Variants in EMILIN2 observed in about 807,000 individuals in gnomAD.
EMILIN2 encodes the protein elastin microfibril interfacer 2.
In EMILIN2, 71 loss-of-function variants were observed where a neutral mutation model predicts 87.1. The ratio of observed to expected loss-of-function variants is 0.82; its 90% CI spans 0.67 to 0.99. The LOEUF (loss-of-function observed/expected upper bound fraction) is 0.99. Among genes scored for constraint, EMILIN2 ranks in the 50% least tolerant of loss-of-function variants. The pLI, the probability that EMILIN2 is intolerant of heterozygous loss-of-function variation, is 0.00. For synonymous variants in EMILIN2, 581 were observed against 563.4 expected, an observed-to-expected ratio of 1.03 and a Z score of -0.44; for missense variants, 1,407 against 1,371.8, an observed-to-expected ratio of 1.03 and a Z score of -0.40.
intron 2 of EMILIN2, among the ~76,000 whole-genome samples, chr18:2,865,050 T>C (rs1248303): frequency 0.7 from 106,831 of 152,104 alleles, 38,497 homozygotes; most frequent in African/African-American, 0.86. Context: ...GTTCTTGTGC[T>C]GTGGTTTTCA....
chr18:2,901,222 A>G (rs1408923554), intron 4 of EMILIN2, among the ~76,000 whole-genome samples: 1 of 152,194 alleles, frequency 6.6e-6, no homozygotes, highest in Non-Finnish European at 1.5e-5. Flanking sequence ...CTTCTCTGTG[A>G]CAAGACACCC....
At chr18:2,853,381 C>T (rs1028943522) in intron 2 of EMILIN2, among the ~76,000 whole-genome samples, 2 of 152,036 alleles carry the variant, frequency 1.3e-5, no homozygotes, top group Admixed American at 6.6e-5. Context: ...CTGGACTCTC[C>T]GGAGCTGCTG....
intron 3 of EMILIN2, among the ~76,000 whole-genome samples, chr18:2,885,643 G>A (rs560955760): frequency 2.6e-4 from 40 of 152,168 alleles, no homozygotes; most frequent in Admixed American, 1.2e-3. Context: ...CTTGGCCTCC[G>A]AGTAGCTGGG....
rs1209726091 is a variant in EMILIN2, at chr18:2,847,069, G to A, written c.-120G>A. Reference sequence around the variant, plus strand: ...CGCGGAGCACTGGTTGGAGCGCCGCGAAGCGCCCGAGCCTCTTGCCTTCGC... The same window carrying A: ...CGCGGAGCACTGGTTGGAGCGCCGCAAAGCGCCCGAGCCTCTTGCCTTCGC... On this transcript the variant is annotated 5_prime_UTR_variant, in exon 1 of 8. Coordinates refer to ENST00000254528, the MANE Select transcript of EMILIN2 (RefSeq NM_032048.3). This position sits in a 1 kb window ranked among gnomAD's most constrained non-coding sequence, Gnocchi z 4.5. The A allele has an allele frequency of 2.8e-6, 3 of 1,079,382 alleles. No homozygotes were observed. Among genetic ancestry groups the A allele is most frequent in the Admixed American group, 4.9e-5 (1 of 20,338 alleles). The allele number at this position is 1,079,382 out of a possible 1,614,324, so 66.9% of individuals were successfully genotyped here.
chr18:2,902,510 C>T (rs1232626967), intron 4 of EMILIN2, among the ~76,000 whole-genome samples: 1 of 152,034 alleles, frequency 6.6e-6, no homozygotes, highest in African/African-American at 2.4e-5. Context: ...GGAGTGGGTG[C>T]CGTTTGTCTC....
chr18:2,852,622 G>A (rs953870275), intron 2 of EMILIN2, among the ~76,000 whole-genome samples: 4 of 152,140 alleles, frequency 2.6e-5, no homozygotes, highest in Non-Finnish European at 4.4e-5. Context: ...GGGTTCAAGC[G>A]ATTCTCCTGC....
intron 4 of EMILIN2, among the ~76,000 whole-genome samples, chr18:2,896,538 A>G (rs2076864615): frequency 6.6e-6 from 1 of 152,262 alleles, no homozygotes; most frequent in African/African-American, 2.4e-5. Context: ...CAGTGGTGCA[A>G]TCACAGCTAA....
chr18:2,910,608 T>A (rs937084796), intron 7 of EMILIN2, among the ~76,000 whole-genome samples: 29 of 152,150 alleles, frequency 1.9e-4, no homozygotes, highest in African/African-American at 5.5e-4. Flanking sequence ...CAGTCACTGT[T>A]CTGCTCACGC....
chr18:2,880,353 A>C lies in EMILIN2; in HGVS notation c.258-4611A>C, dbSNP rs2076770500. On this transcript the variant is annotated intron_variant, in intron 2 of 7. Transcript: ENST00000254528. The surrounding 1 kb of genome is among the most constrained non-coding windows in gnomAD (Gnocchi z 4.1). ...TCTTGACACGGTTGCTGAACCCATT[A>C]AAATGGGAAACCCTTGTTTTCACCT... Among the ~76,000 whole-genome samples, 1 of 152,158 alleles carries C rather than the reference A, an allele frequency of 6.6e-6. No individual in the cohort carries two copies. Among genetic ancestry groups the C allele is most frequent in the African/African-American group, 2.4e-5 (1 of 41,426 alleles).
intron 2 of EMILIN2, among the ~76,000 whole-genome samples, chr18:2,878,111 G>C (rs1037462706): frequency 6.8e-6 from 1 of 146,418 alleles, no homozygotes; most frequent in Non-Finnish European, 1.5e-5. Flanking sequence ...AAACAGTTCT[G>C]GAGGTGGTTA....
In EMILIN2 at chr18:2,892,344, C is replaced by G; in HGVS notation, c.2217C>G (p.Asn739Lys). ...GLNKHVSSLW[N>K]CVRQMNGTLR... ...ACAAGCATGTCAGCAGCCTGTGGAA[C>G]TGTGTCAGGCAGATGAACGGAACGC... The change falls in exon 4 of 8, where the codon AAC becomes AAG. Residue 739 changes from asparagine to lysine, a missense_variant. Physicochemically the swap from Asn to Lys is moderately conservative, Grantham distance 94 (BLOSUM62 0). Transcript: ENST00000254528. 6.2e-7 allele frequency: 1 copy of G among 1,614,210 alleles called. No homozygotes were observed. The highest frequency in any genetic ancestry group is 8.5e-7 in the Non-Finnish European group (1 of 1,180,034).
intron 2 of EMILIN2, among the ~76,000 whole-genome samples, chr18:2,855,672 G>C (rs751843994): frequency 6.6e-6 from 1 of 152,138 alleles, no homozygotes; most frequent in African/African-American, 2.4e-5. Flanking sequence ...GACGTGCTTC[G>C]GAAGAGGAGA....
intron 2 of EMILIN2, among the ~76,000 whole-genome samples, chr18:2,871,940 A>G: frequency 6.6e-6 from 1 of 152,106 alleles, no homozygotes; most frequent in South Asian, 2.1e-4. Flanking sequence ...TATCCTTTCA[A>G]TGTCTGGGGG....
intron 4 of EMILIN2, among the ~76,000 whole-genome samples, chr18:2,896,204 C>T (rs1361082003): frequency 6.6e-6 from 1 of 151,950 alleles, no homozygotes; most frequent in Non-Finnish European, 1.5e-5. Context: ...GAGATGGAGT[C>T]TCCCTTTGTT....
chr18:2,892,373 G>C lies in EMILIN2; in HGVS notation c.2246G>C (p.Arg749Thr), dbSNP rs2076843041. The C allele has an allele frequency of 6.2e-7, 1 of 1,614,038 alleles. No homozygotes were observed. The highest frequency in any genetic ancestry group is 8.5e-7 in the Non-Finnish European group (1 of 1,180,042). ...GTCAGGCAGATGAACGGAACGCTCA[G>C]GTCGCATTCCAGAGACATTTCTGGC... ...NCVRQMNGTL[R>T]SHSRDISGLK... Residue 749 changes from arginine to threonine, a missense_variant, in exon 4 of 8, where the codon AGG (arginine) becomes ACG (threonine). By Grantham distance (71) the Arg-to-Thr change is moderately conservative (BLOSUM62 -1). Transcript: ENST00000254528.
At chr18:2,855,185 TC>T (rs1295740333) in intron 2 of EMILIN2, among the ~76,000 whole-genome samples, 1 of 152,230 alleles carries the variant, frequency 6.6e-6, no homozygotes, top group Non-Finnish European at 1.5e-5. Flanking sequence ...TTGGGGCTGC[TC>T]CCTAGAATCT....
At chr18:2,868,055 G>A (rs56280887) in intron 2 of EMILIN2, among the ~76,000 whole-genome samples, 7,361 of 152,116 alleles carry the variant, frequency 0.048, 683 homozygotes, top group East Asian at 0.47. Context: ...CGGGGTGGCT[G>A]CTGGACGGGG....
Position 2,891,630 on chromosome 18 carries a change from G to A in EMILIN2, c.1503G>A (p.Leu501=). 6.2e-7 allele frequency: 1 copy of A among 1,614,068 alleles called. No homozygotes were observed. Residue 501 remains leucine, a synonymous_variant, in exon 4 of 8, where the codon CTG becomes CTA. Coordinates refer to ENST00000254528, the MANE Select transcript of EMILIN2 (RefSeq NM_032048.3). This position sits in a 1 kb window ranked among gnomAD's most constrained non-coding sequence, Gnocchi z 4.6. ...AAATACAGTCTCTGGAAGACCGTCT[G>A]GGGAGCGTTCTCCTACAGATGACCA... ...DQKIQSLEDR[L]GSVLLQMTNN... is the part of the protein sequence containing the mutation.
intron 2 of EMILIN2, among the ~76,000 whole-genome samples, chr18:2,870,528 C>T (rs1568461535): frequency 1.3e-5 from 2 of 152,170 alleles, no homozygotes; most frequent in Non-Finnish European, 2.9e-5. Flanking sequence ...GAAAGATAAA[C>T]ATAAATAATT....
Sources: allele counts gnomAD v4.1 joint callset (sites outside exome capture counted in the v4.1 genomes callset), GRCh38; gene constraint gnomAD v4.1.1; non-coding constraint Gnocchi (gnomAD v3.1); transcripts MANE v1.5; gene names NCBI Gene and HGNC (gene_info 2026-07-23, HGNC 2026-07-21).